FHIT: variants seen among roughly 807,000 people sequenced by gnomAD.
FHIT encodes the protein fragile histidine triad diadenosine triphosphatase.
A neutral mutation model predicts 17.9 loss-of-function variants in FHIT; 19 were observed. The ratio of observed to expected loss-of-function variants is 1.06; its 90% CI spans 0.74 to 1.56. The LOEUF (loss-of-function observed/expected upper bound fraction) is 1.56. Ranked by LOEUF, FHIT falls within the 40% of genes most tolerant of loss-of-function variation. The pLI, the probability that FHIT is intolerant of heterozygous loss-of-function variation, is 0.00. For synonymous variants in FHIT, 81 were observed against 69.7 expected (o/e 1.16, Z -0.81); for missense variants, 248 against 189.2 (o/e 1.31, Z -1.82).
chr3:61,018,132 C>T lies in FHIT; in HGVS notation c.-111+23915G>A, dbSNP rs1364152575. Among the ~76,000 whole-genome samples, 4 of 152,176 alleles carry T rather than the reference C, an allele frequency of 2.6e-5. No individual in the cohort carries two copies. In the South Asian group the frequency reaches 6.2e-4, roughly 24 times the overall value. ...CCATTTAGGTAAGTACTTCTATCAT[C>T]CTTATTATACAGATAGTCAAACACG... On this transcript the variant is annotated intron_variant, in intron 3 of 9. Coordinates refer to ENST00000492590, the MANE Select transcript of FHIT (RefSeq NM_002012.4).
intron 8 of FHIT, among the ~76,000 whole-genome samples, chr3:59,901,417 C>T (rs1478026471): frequency 2.0e-5 from 3 of 152,018 alleles, no homozygotes; most frequent in African/African-American, 4.8e-5. Context: ...ATTCCTCTTC[C>T]AACTCAATAA....
At chr3:60,681,519 G>A (rs1218652100) in intron 4 of FHIT, among the ~76,000 whole-genome samples, 2 of 152,172 alleles carry the variant, frequency 1.3e-5, no homozygotes, top group African/African-American at 4.8e-5. Flanking sequence ...TAAGCTTGGC[G>A]AGGAAGGCAT....
intron 5 of FHIT, among the ~76,000 whole-genome samples, chr3:60,174,208 C>A (rs1025808268): frequency 6.6e-6 from 1 of 151,628 alleles, no homozygotes; most frequent in African/African-American, 2.4e-5. Flanking sequence ...CCGTGCCTGG[C>A]CTGTTTCTAA....
intron 5 of FHIT, among the ~76,000 whole-genome samples, chr3:60,115,518 G>T (rs567641436): frequency 6.6e-6 from 1 of 152,232 alleles, no homozygotes; most frequent in South Asian, 2.1e-4. Flanking sequence ...AGAGGCCACA[G>T]GTATATGTCA....
chr3:61,239,649 C>A (rs771930856), intron 1 of FHIT, among the ~76,000 whole-genome samples: 2 of 151,518 alleles, frequency 1.3e-5, no homozygotes, highest in East Asian at 3.9e-4. Context: ...TCCATGAGGG[C>A]AGTGCTGATA....
At chr3:59,809,644 A>G (rs143418995) in intron 8 of FHIT, among the ~76,000 whole-genome samples, 1 of 152,344 alleles carries the variant, frequency 6.6e-6, no homozygotes, top group East Asian at 1.9e-4. Context: ...ACACGGGTTT[A>G]GAAACAAATA....
chr3:60,638,727 GAT>G lies in FHIT; in HGVS notation c.-17-101750_-17-101749del, dbSNP rs200544975. The stretch of plus-strand genomic sequence containing the variant: ...ATAGGGAGATATATTAACATCCTAT[GAT>G]ATATAACCAAATATTTACCAGAAAC... On this transcript the variant is annotated intron_variant, in intron 4 of 9. Coordinates refer to ENST00000492590, the MANE Select transcript of FHIT (RefSeq NM_002012.4). Among the ~76,000 whole-genome samples, 101 of 152,010 alleles carry G rather than the reference GAT, an allele frequency of 6.6e-4. No homozygotes were observed. In the East Asian group the frequency reaches 0.016, roughly 24 times the overall value.
chr3:60,472,481 G>A (rs2033138552), intron 5 of FHIT, among the ~76,000 whole-genome samples: 1 of 150,434 alleles, frequency 6.6e-6, no homozygotes, highest in African/African-American at 2.5e-5. Flanking sequence ...CCATTCTCCT[G>A]CCTCAGCCTA....
chr3:59,917,352 T>C (rs1705181586), intron 8 of FHIT, among the ~76,000 whole-genome samples: 1 of 152,172 alleles, frequency 6.6e-6, no homozygotes, highest in African/African-American at 2.4e-5. Context: ...CCATAAGCAT[T>C]TGATGAATTG....
chr3:59,888,354 A>G (rs967917246), intron 8 of FHIT, among the ~76,000 whole-genome samples: 6 of 152,236 alleles, frequency 3.9e-5, no homozygotes, highest in Admixed American at 1.3e-4. Context: ...AGAAAAGTGT[A>G]TCTACATTGC....
chr3:60,992,643 T>C (rs2030337190), intron 3 of FHIT, among the ~76,000 whole-genome samples: 1 of 152,198 alleles, frequency 6.6e-6, no homozygotes, highest in Non-Finnish European at 1.5e-5. Context: ...GGAAGTGTGT[T>C]AAACTGGGAC....
chr3:60,762,120 TA>T (rs557999743), intron 4 of FHIT, among the ~76,000 whole-genome samples: 11 of 152,288 alleles, frequency 7.2e-5, no homozygotes, highest in African/African-American at 2.4e-4. Flanking sequence ...ATGTAAAACA[TA>T]AATGATGTAG....
chr3:60,127,481 G>C (rs1705607060), intron 5 of FHIT, among the ~76,000 whole-genome samples: 1 of 151,978 alleles, frequency 6.6e-6, no homozygotes, highest in African/African-American at 2.4e-5. Context: ...GCTATTACTT[G>C]TTAATAAACT....
chr3:60,917,318 C>A (rs1422648230), intron 3 of FHIT, among the ~76,000 whole-genome samples: 2 of 152,244 alleles, frequency 1.3e-5, no homozygotes, highest in Non-Finnish European at 2.9e-5. Flanking sequence ...CCAAACCATG[C>A]TTGCCTTCCC....
intron 5 of FHIT, among the ~76,000 whole-genome samples, chr3:60,521,902 C>T (rs1307443442): frequency 6.6e-6 from 1 of 152,050 alleles, no homozygotes; most frequent in Non-Finnish European, 1.5e-5. Flanking sequence ...AGAAACAGGA[C>T]TGAGAGAGCC....
In FHIT at chr3:60,327,566, T is replaced by C. The variant is rs1200827950; in HGVS notation, c.103+209294A>G. Among the ~76,000 whole-genome samples, 5 of 152,204 alleles carry C rather than the reference T, an allele frequency of 3.3e-5. No individual in the cohort carries two copies. In the East Asian group the frequency reaches 9.6e-4, roughly 29 times the overall value. On this transcript the variant is annotated intron_variant, in intron 5 of 9. Transcript: ENST00000492590. The stretch of plus-strand genomic sequence containing the variant: ...ACTCCATTGTAGACCATGTCTTGCA[T>C]ATGGTGTGTGCTAAATATTTAATAT...
chr3:60,873,753 T>C (rs782481946), intron 3 of FHIT, among the ~76,000 whole-genome samples: 11 of 152,216 alleles, frequency 7.2e-5, no homozygotes, highest in Admixed American at 1.3e-4. Context: ...AGTAATCTTA[T>C]AATTTGCTAA....
intron 4 of FHIT, among the ~76,000 whole-genome samples, chr3:60,741,819 T>C (rs1363841485): frequency 6.6e-6 from 1 of 152,192 alleles, no homozygotes; most frequent in Non-Finnish European, 1.5e-5. Flanking sequence ...CCAAACTGAA[T>C]CTGTACTTTG....
chr3:61,238,926 G>T (rs1040915087), intron 1 of FHIT, among the ~76,000 whole-genome samples: 1 of 152,200 alleles, frequency 6.6e-6, no homozygotes, highest in East Asian at 1.9e-4. Context: ...TTAGGGGGCA[G>T]AAGTGGGTAT....
Sources: gnomAD v4.1 joint callset for allele counts (sites outside exome capture counted in the v4.1 genomes callset) on GRCh38, gnomAD v4.1.1 for gene constraint, MANE v1.5 for transcripts, NCBI Gene and HGNC (gene_info 2026-07-23, HGNC 2026-07-21) for gene names.